KIAA0930: variants seen among roughly 807,000 people sequenced by gnomAD.
KIAA0930 encodes KIAA0930, also known as uncharacterized protein KIAA0930.
KIAA0930 carries 24 observed loss-of-function variants against 43.9 expected under a neutral mutation model. That is an observed-to-expected ratio of 0.55 (90% confidence interval 0.40 to 0.77). The LOEUF is 0.77. Among genes scored for constraint, KIAA0930 ranks in the 30% least tolerant of loss-of-function variants. The pLI is 0.00. For missense variants in KIAA0930, 461 were observed against 574.2 expected, an observed-to-expected ratio of 0.80 and a Z score of 2.02; for synonymous variants, 259 against 216.4, an observed-to-expected ratio of 1.20 and a Z score of -1.73.
chr22:45,227,878 C>T lies in KIAA0930; in HGVS notation c.64+12762G>A, dbSNP rs145790542. ...GGGTTTGCTGCAGGGAGAGGGCTCC[C>T]GGGAGCTGAGCAGCAGCTAACGAGC... is the stretch of plus-strand genomic sequence containing the variant. On this transcript the variant is annotated intron_variant, in intron 1 of 9. Coordinates refer to ENST00000336156, the MANE Select transcript of KIAA0930 (RefSeq NM_001009880.2). Among the ~76,000 whole-genome samples, 130 of 152,326 alleles carry T rather than the reference C, an allele frequency of 8.5e-4. 2 individuals carry two copies. In the East Asian group the frequency reaches 0.018, roughly 21 times the overall value.
chr22:45,225,792 G>C (rs530203838), intron 1 of KIAA0930, among the ~76,000 whole-genome samples: 1 of 152,326 alleles, frequency 6.6e-6, no homozygotes, highest in Admixed American at 6.5e-5. Flanking sequence ...CCGTGCCCAC[G>C]TGCACCTGAC....
At chr22:45,200,261 C>A in intron 7 of KIAA0930, 1 of 447,708 alleles carries the variant, frequency 2.2e-6, no homozygotes, top group Non-Finnish European at 3.9e-6. Context: ...CAGTGCTACC[C>A]GAGGAGGGGC....
chr22:45,224,058 C>T (rs765820311), intron 1 of KIAA0930, among the ~76,000 whole-genome samples: 1 of 152,182 alleles, frequency 6.6e-6, no homozygotes, highest in Non-Finnish European at 1.5e-5. Context: ...CCTTCTCAAA[C>T]CTTTTGTATT....
intron 1 of KIAA0930, among the ~76,000 whole-genome samples, chr22:45,232,935 G>A (rs2083863378): frequency 6.6e-6 from 1 of 152,166 alleles, no homozygotes; most frequent in South Asian, 2.1e-4. Flanking sequence ...ACCCCGTGGA[G>A]TGTTAATTTT....
chr22:45,205,976 C>A, intron 2 of KIAA0930, 64 bp from the exon 3 acceptor site: 1 of 1,594,062 alleles, frequency 6.3e-7, no homozygotes, highest in Non-Finnish European at 8.5e-7. Flanking sequence ...TCTTCCCTGA[C>A]TACTATGCAG....
At chr22:45,212,418 G>A (rs1364838733) in intron 1 of KIAA0930, 63 of 1,533,220 alleles carry the variant, frequency 4.1e-5, no homozygotes, top group African/African-American at 5.5e-5. Flanking sequence ...GGAAAATCCC[G>A]AGGAGCCAGG....
At chr22:45,201,826 C>A (rs762249244) in intron 7 of KIAA0930, among the ~76,000 whole-genome samples, 63 of 152,194 alleles carry the variant, frequency 4.1e-4, no homozygotes, top group Non-Finnish European at 3.1e-4. Flanking sequence ...AGATCTTTCT[C>A]GAACTAAAAG....
At chr22:45,199,358 C>CA (rs758224097) in intron 8 of KIAA0930, among the ~76,000 whole-genome samples, 4 of 152,132 alleles carry the variant, frequency 2.6e-5, no homozygotes, top group Non-Finnish European at 5.9e-5. Flanking sequence ...GACAGGGGCA[C>CA]AGGAAGGCCC....
rs1231580418 is a variant in KIAA0930 at position 45,195,849 on chromosome 22, T to A, written c.*1327A>T. On this transcript the variant is annotated 3_prime_UTR_variant, in exon 10 of 10. Transcript: ENST00000336156. ...AGAATGAAATGCAATAGCTCGCTTT[T>A]AATAACAACATACAAAAGTCTGGAG... The A allele has an allele frequency of 6.6e-6, 1 of 152,524 alleles. No individual in the cohort carries two copies. Among genetic ancestry groups the A allele is most frequent in the Non-Finnish European group, 1.5e-5 (1 of 68,054 alleles). 9.4% of individuals were successfully genotyped at this position (152,524 alleles called of 1,614,324 possible). A position where few individuals can be genotyped will look rare whatever the true frequency, so the allele number is the denominator to read the frequency against.
rs533104220 is a variant in KIAA0930, at chr22:45,213,212, C to T, written c.65-1105G>A. On this transcript the variant is annotated intron_variant, in intron 1 of 9. Coordinates refer to ENST00000336156, the MANE Select transcript of KIAA0930 (RefSeq NM_001009880.2). ...CCCCAGCCTTGGTTGACGTCAGCCA[C>T]AACACTAACCAAAGAACCAGGACTC... The T allele has an allele frequency of 1.1e-5, 10 of 941,632 alleles. 2 individuals carry two copies. The South Asian group carries it at 1.3e-4, about 12-fold the overall frequency. 58.3% of individuals were successfully genotyped at this position (941,632 alleles called of 1,614,324 possible).
At chr22:45,228,368 TC>T (rs148326704) in intron 1 of KIAA0930, among the ~76,000 whole-genome samples, 1,875 of 152,156 alleles carry the variant, frequency 0.012, 78 homozygotes, top group East Asian at 0.079. Context: ...AGGCCAACCT[TC>T]TTCTCCCTAA....
At chr22:45,198,801 C>T (rs1455953574) in intron 8 of KIAA0930, among the ~76,000 whole-genome samples, 2 of 152,188 alleles carry the variant, frequency 1.3e-5, no homozygotes, top group Non-Finnish European at 2.9e-5. Flanking sequence ...AGGCGCCCAC[C>T]ACCATGCCCG....
At chr22:45,230,641 G>A (rs1021883342) in intron 1 of KIAA0930, among the ~76,000 whole-genome samples, 1 of 150,112 alleles carries the variant, frequency 6.7e-6, no homozygotes, top group African/African-American at 2.5e-5. Flanking sequence ...GAGTACAGTG[G>A]CGCAATCTTG....
chr22:45,235,195 G>T (rs1011627195), intron 1 of KIAA0930: 2 of 152,300 alleles, frequency 1.3e-5, no homozygotes, highest in African/African-American at 4.8e-5. Context: ...GCTGGAAGCT[G>T]GAGGCGGAAA....
intron 7 of KIAA0930, chr22:45,202,765 G>A (rs969976358): frequency 3.9e-5 from 19 of 488,588 alleles, no homozygotes; most frequent in Admixed American, 8.2e-5. Context: ...AGCCCTCCAG[G>A]TCTGCAAGGC....
Position 45,197,783 on chromosome 22 carries a change from G to C in KIAA0930, c.1174+7C>G. On this transcript the variant is annotated splice_region_variant and intron_variant, in intron 9 of 9. Transcript: ENST00000336156. ...TGCGGCTGCTTCCCCACATCCGCCA[G>C]CATTACCTGTTAAAATCCGATGCAG... 1 of 1,614,002 alleles carries C rather than the reference G, an allele frequency of 6.2e-7. No individual in the cohort carries two copies. The highest frequency in any genetic ancestry group is 8.5e-7 in the Non-Finnish European group (1 of 1,179,878).
In KIAA0930 at chr22:45,228,817, C is replaced by A. The variant is rs1190723788; in HGVS notation, c.64+11823G>T. On this transcript the variant is annotated intron_variant, in intron 1 of 9. Transcript: ENST00000336156. ...CACTCACCTGAGAGATCCCTCTCCA[C>A]CCCCGCCATCACCACTCACCCGAAA... 6.9e-5 allele frequency among the ~76,000 whole-genome samples: 8 copies of A among 116,212 alleles called. 1 individual carries two copies. In the South Asian group the frequency reaches 2.5e-3, roughly 36 times the overall value. The allele number at this position is 116,212 out of a possible 152,430, so 76.2% of individuals were successfully genotyped here.
chr22:45,212,608 A>G, intron 1 of KIAA0930: 1 of 1,343,544 alleles, frequency 7.4e-7, no homozygotes, highest in Non-Finnish European at 9.6e-7. Flanking sequence ...CCAAGGCTGC[A>G]AGCGGGAACC....
chr22:45,239,621 G>A (rs2083905298), intron 1 of KIAA0930, among the ~76,000 whole-genome samples: 1 of 152,176 alleles, frequency 6.6e-6, no homozygotes, highest in African/African-American at 2.4e-5. Context: ...GGACTGCCAT[G>A]TCCCTGCAGC....
Sources: gnomAD v4.1 joint callset for allele counts (sites outside exome capture counted in the v4.1 genomes callset) on GRCh38, gnomAD v4.1.1 for gene constraint, MANE v1.5 for transcripts, NCBI Gene and HGNC (gene_info 2026-07-23, HGNC 2026-07-21) for gene names.